MTHFD1L: variants seen among roughly 807,000 people sequenced by gnomAD.
MTHFD1L encodes the protein methylenetetrahydrofolate dehydrogenase (NADP+ dependent) 1 like.
In MTHFD1L, 81 loss-of-function variants were observed where a neutral mutation model predicts 119.5. The observed-to-expected ratio is 0.68, with a 90% CI of 0.57 to 0.82. The LOEUF is 0.82. MTHFD1L is among the 40% of genes least tolerant of loss of function. MTHFD1L has a pLI of 0.00. For missense variants in MTHFD1L, 1,125 were observed against 1,253.4 expected (o/e 0.90, Z 1.55); for synonymous variants, 430 against 475.2 (o/e 0.90, Z 1.24).
chr6:150,912,542 C>T (rs1393252230), intron 8 of MTHFD1L: 10 of 306,828 alleles, frequency 3.3e-5, no homozygotes, highest in Non-Finnish European at 6.4e-5. Context: ...TGCATCCCTC[C>T]CACTGCAGTG....
chr6:150,933,896 C>G (rs1223330259), intron 11 of MTHFD1L, among the ~76,000 whole-genome samples: 4 of 152,180 alleles, frequency 2.6e-5, no homozygotes, highest in Non-Finnish European at 5.9e-5. Flanking sequence ...GGATTACAAG[C>G]ATGAACCACT....
At position 151,034,596 on chromosome 6, in the gene MTHFD1L, A is replaced by G. The variant is rs1785859224; in HGVS notation, c.2690A>G (p.Gln897Arg). ...CAAGCCAAAATAGATCGTTACACTC[A>G]ACAGGTAAAAGTTCTACTTTTAGGG... ...EAQAKIDRYT[Q>R]QGFGNLPICM... The change falls in exon 25 of 28, where the codon CAA becomes CGA. Residue 897 changes from glutamine to arginine, a missense_variant. Gln to Arg is a conservative substitution (Grantham distance 43). Coordinates refer to ENST00000367321, the MANE Select transcript of MTHFD1L (RefSeq NM_015440.5). The G allele has an allele frequency of 3.1e-6, 5 of 1,603,048 alleles. 1 individual carries two copies. In the South Asian group the frequency reaches 5.5e-5, roughly 18 times the overall value.
intron 26 of MTHFD1L, among the ~76,000 whole-genome samples, chr6:151,083,085 C>G (rs369443374): frequency 2.6e-5 from 4 of 152,344 alleles, no homozygotes; most frequent in Non-Finnish European, 5.9e-5. Flanking sequence ...TCTCTCCCGA[C>G]TCACTTGTCT....
rs560104873 is a variant in MTHFD1L at position 150,989,641 on chromosome 6, C to T, written c.2125+17583C>T. Among the ~76,000 whole-genome samples the T allele has an allele frequency of 2.0e-5, 3 of 152,150 alleles. No individual in the cohort carries two copies. The East Asian group carries it at 5.8e-4, about 29-fold the overall frequency. On this transcript the variant is annotated intron_variant, in intron 20 of 27. Coordinates refer to ENST00000367321, the MANE Select transcript of MTHFD1L (RefSeq NM_015440.5). The stretch of plus-strand genomic sequence containing the variant: ...ATACATACTGTAATAGAGAAAATGT[C>T]CTACTTATACATGTCCCCCAAAGGA...
In MTHFD1L at chr6:150,960,319, G is replaced by A; in HGVS notation, c.1848G>A (p.Leu616=). 6.2e-7 allele frequency: 1 copy of A among 1,614,050 alleles called. No homozygotes were observed. The highest frequency in any genetic ancestry group is 8.5e-7 in the Non-Finnish European group (1 of 1,179,980). Residue 616 remains leucine (L), a synonymous_variant, in exon 18 of 28, where the codon CTG becomes CTA. Coordinates refer to ENST00000367321, the MANE Select transcript of MTHFD1L (RefSeq NM_015440.5). ...TGGCCAGCGAGATCATGGCGGTGCT[G>A]GCCCTGACGGACAGCCTCGCAGACA... ...IAVASEIMAV[L]ALTDSLADMK...
At chr6:150,882,715 A>C in intron 4 of MTHFD1L, 47 bp from the exon 5 acceptor site, 1 of 1,347,948 alleles carries the variant, frequency 7.4e-7, no homozygotes, top group South Asian at 1.7e-5. Flanking sequence ...GTTGGGTCTC[A>C]TTTTCACAAA....
intron 8 of MTHFD1L, among the ~76,000 whole-genome samples, chr6:150,913,717 A>G (rs946687737): frequency 1.3e-5 from 2 of 151,882 alleles, no homozygotes; most frequent in Non-Finnish European, 2.9e-5. Flanking sequence ...TTTTTGGTCG[A>G]GTCTGGTGGC....
intron 20 of MTHFD1L, 38 bp downstream of exon 20, chr6:150,972,096 T>C (rs777304033): frequency 1.3e-6 from 2 of 1,562,816 alleles, no homozygotes; most frequent in South Asian, 1.1e-5. Context: ...TTGTAGAATA[T>C]TGAAGAAATC....
intron 20 of MTHFD1L, among the ~76,000 whole-genome samples, chr6:150,985,644 G>A (rs573999595): frequency 6.3e-5 from 8 of 126,476 alleles, no homozygotes; most frequent in Admixed American, 1.0e-4. Context: ...CTGGGTGACA[G>A]AGTGAGACTC....
At chr6:151,000,537 C>T (rs1180026516) in intron 20 of MTHFD1L, among the ~76,000 whole-genome samples, 1 of 152,132 alleles carries the variant, frequency 6.6e-6, no homozygotes. Context: ...ATTTCATTGA[C>T]TTAAGATGAG....
intron 5 of MTHFD1L, 38 bp downstream of exon 5, chr6:150,882,924 A>G: frequency 6.5e-7 from 1 of 1,529,482 alleles, no homozygotes; most frequent in Non-Finnish European, 8.7e-7. Context: ...CTTTATGGCT[A>G]AATCACTTTT....
At position 151,037,084 on chromosome 6, in the gene MTHFD1L, A is replaced by AG; in HGVS notation, c.2816dup (p.Ala940ArgfsTer25). ...CTATCAGTGACGTCCGGGCCAGCAT[A>AG]GGCGCTGGGTTCATTTACCCTTTGG... On this transcript the variant is annotated frameshift_variant, in exon 26 of 28. Coordinates refer to ENST00000367321, the MANE Select transcript of MTHFD1L (RefSeq NM_015440.5). LOFTEE classifies it high-confidence loss of function. 6.2e-7 allele frequency: 1 copy of AG among 1,612,014 alleles called. No individual in the cohort carries two copies. The highest frequency in any genetic ancestry group is 8.5e-7 in the Non-Finnish European group (1 of 1,179,864).
rs553988995 is a variant in MTHFD1L at position 150,903,560 on chromosome 6, GC to G, written c.781-2089del. On this transcript the variant is annotated intron_variant, in intron 7 of 27. Coordinates refer to ENST00000367321, the MANE Select transcript of MTHFD1L (RefSeq NM_015440.5). ...ACCTCCCAAGTAGCTAGGACCACAG[GC>G]ATGCCTCACCACACCTGGCTAATTT... is the stretch of plus-strand genomic sequence containing the variant. 2.2e-4 allele frequency among the ~76,000 whole-genome samples: 34 copies of G among 152,124 alleles called. No homozygotes were observed. In the South Asian group the frequency reaches 6.2e-3, roughly 28 times the overall value.
intron 27 of MTHFD1L, among the ~76,000 whole-genome samples, chr6:151,098,491 T>C (rs1795081499): frequency 6.6e-6 from 1 of 152,226 alleles, no homozygotes; most frequent in Non-Finnish European, 1.5e-5. Flanking sequence ...TCTTCCTTTC[T>C]GCTTCCAAGT....
intron 26 of MTHFD1L, among the ~76,000 whole-genome samples, chr6:151,080,966 C>T (rs766468673): frequency 3.9e-5 from 6 of 152,076 alleles, no homozygotes; most frequent in East Asian, 1.9e-4. Context: ...TGCAGTGGCA[C>T]GATCATGGCT....
intron 26 of MTHFD1L, among the ~76,000 whole-genome samples, chr6:151,044,724 C>G (rs1173274143): frequency 6.6e-6 from 1 of 152,152 alleles, no homozygotes; most frequent in East Asian, 1.9e-4. Context: ...GCCTTTGTCC[C>G]CACTCCCTGT....
chr6:150,928,202 G>A (rs577509614), intron 11 of MTHFD1L, among the ~76,000 whole-genome samples: 4 of 152,032 alleles, frequency 2.6e-5, no homozygotes, highest in South Asian at 4.2e-4. Context: ...TTGGGAGGCC[G>A]AGGCAGGTGG....
At chr6:150,893,099 C>T (rs1005327116) in intron 7 of MTHFD1L, among the ~76,000 whole-genome samples, 1 of 152,176 alleles carries the variant, frequency 6.6e-6, no homozygotes, top group Non-Finnish European at 1.5e-5. Flanking sequence ...GAGGCTCACT[C>T]TGTTACCCAG....
intron 26 of MTHFD1L, among the ~76,000 whole-genome samples, chr6:151,090,172 G>C (rs1425112337): frequency 6.6e-6 from 1 of 152,208 alleles, no homozygotes; most frequent in Admixed American, 6.5e-5. Context: ...GGCAGGGAAG[G>C]GGGTGTTAAT....
Sources: gnomAD v4.1 joint callset for allele counts (sites outside exome capture counted in the v4.1 genomes callset) on GRCh38, gnomAD v4.1.1 for gene constraint, MANE v1.5 for transcripts, NCBI Gene and HGNC (gene_info 2026-07-23, HGNC 2026-07-21) for gene names.